ACSM3: variants seen among roughly 807,000 people sequenced by gnomAD.
The protein encoded by ACSM3 is acyl-CoA synthetase medium chain family member 3.
In ACSM3, 61 loss-of-function variants were observed where a neutral mutation model predicts 74.1. That is an observed-to-expected ratio of 0.82 (90% CI 0.67 to 1.02). ACSM3 has a LOEUF of 1.02. Ranked by LOEUF, ACSM3 falls within the 50% of genes least tolerant of loss-of-function variation. The pLI is 0.00. For synonymous variants in ACSM3, 213 were observed against 241.5 expected (o/e 0.88, Z 1.09); for missense variants, 660 against 697.0 (o/e 0.95, Z 0.60).
intron 3 of ACSM3, among the ~76,000 whole-genome samples, chr16:20,758,578 C>T (rs1376525358): frequency 3.3e-5 from 5 of 152,222 alleles, no homozygotes; most frequent in African/African-American, 1.2e-4. Flanking sequence ...TTTCAAAAAA[C>T]CAGCTCCTGG....
chr16:20,736,869 C>T (rs2079873964), intron 1 of ACSM3: 2 of 1,610,712 alleles, frequency 1.2e-6, no homozygotes, highest in Admixed American at 1.7e-5. Flanking sequence ...CCTCCAACAC[C>T]AAATGACTTC....
At chr16:20,685,034 C>A (rs2079520880) in intron 1 of ACSM3, among the ~76,000 whole-genome samples, 1 of 152,226 alleles carries the variant, frequency 6.6e-6, no homozygotes, top group African/African-American at 2.4e-5. Context: ...ATAATTCCCA[C>A]AGGGCAGGAA....
intron 1 of ACSM3, chr16:20,733,085 TC>T (rs2079840690): frequency 6.6e-6 from 1 of 152,638 alleles, no homozygotes; most frequent in Non-Finnish European, 1.5e-5. Context: ...ATGTTTAAGA[TC>T]CTTCCTGGTT....
chr16:20,777,307 T>C (rs2080267004), intron 3 of ACSM3, 66 bp from the exon 4 acceptor site: 1 of 1,410,456 alleles, frequency 7.1e-7, no homozygotes, highest in African/African-American at 1.4e-5. Context: ...AGATGGTATC[T>C]ACACTACTCT....
chr16:20,776,410 C>A (rs1336140637), intron 3 of ACSM3, among the ~76,000 whole-genome samples: 1 of 152,162 alleles, frequency 6.6e-6, no homozygotes, highest in African/African-American at 2.4e-5. Flanking sequence ...TCCAGGAATG[C>A]CAGACATGTG....
chr16:20,748,612 C>G (rs10852247), intron 1 of ACSM3, among the ~76,000 whole-genome samples: 94,115 of 152,112 alleles, frequency 0.62, 30,263 homozygotes, highest in Non-Finnish European at 0.72. Flanking sequence ...CTAACTGGAA[C>G]GTTTGGTAGA....
At chr16:20,737,837 T>C (rs1328799819) in intron 1 of ACSM3, 4 of 1,613,852 alleles carry the variant, frequency 2.5e-6, no homozygotes, top group South Asian at 2.2e-5. Context: ...TATTTTTTCA[T>C]ATCTTCTAAA....
chr16:20,733,835 C>T (rs1402395181), intron 1 of ACSM3: 2 of 152,072 alleles, frequency 1.3e-5, no homozygotes, highest in Non-Finnish European at 1.5e-5. Flanking sequence ...ATTCTTTCCT[C>T]TATGGAGCTA....
intron 2 of ACSM3, among the ~76,000 whole-genome samples, chr16:20,754,084 A>C (rs1202113618): frequency 6.6e-6 from 1 of 152,218 alleles, no homozygotes; most frequent in Admixed American, 6.5e-5. Flanking sequence ...GAAGGAATGC[A>C]GAAAGTATGG....
At chr16:20,708,143 A>G (rs1406187918) in intron 1 of ACSM3, among the ~76,000 whole-genome samples, 2 of 152,204 alleles carry the variant, frequency 1.3e-5, no homozygotes. Context: ...TCTACTAAAC[A>G]TACAAAAATT....
chr16:20,791,583 C>A (rs1002318767), intron 10 of ACSM3, among the ~76,000 whole-genome samples: 5 of 152,316 alleles, frequency 3.3e-5, no homozygotes, highest in African/African-American at 1.2e-4. Context: ...CTTCCTAACT[C>A]TAATGCTTCT....
chr16:20,714,354 T>C (rs1322252785), intron 1 of ACSM3, among the ~76,000 whole-genome samples: 1 of 152,084 alleles, frequency 6.6e-6, no homozygotes, highest in East Asian at 1.9e-4. Flanking sequence ...TGATAAATCT[T>C]AAATTGCCCC....
At position 20,769,960 on chromosome 16, in the gene ACSM3, A is replaced by G; in HGVS notation, c.-51-24A>G. The G allele has an allele frequency of 2.7e-6, 4 of 1,461,546 alleles. No homozygotes were observed. In the South Asian group the frequency reaches 4.7e-5, roughly 17 times the overall value. 90.5% of individuals were successfully genotyped at this position (1,461,546 alleles called of 1,614,324 possible). A position where few individuals can be genotyped will look rare whatever the true frequency, so the allele number is the denominator to read the frequency against. ...CTACCTTCAGGACAGAAACAAATAT[A>G]TGTCCTTTTTGCTTGTCTTTTAGAT... On this transcript the variant is annotated intron_variant, in intron 1 of 13. Transcript: ENST00000289416.
At chr16:20,742,766 G>A (rs2079938330) in intron 1 of ACSM3, among the ~76,000 whole-genome samples, 1 of 149,184 alleles carries the variant, frequency 6.7e-6, no homozygotes, top group Admixed American at 6.7e-5. Context: ...GTCTGGTGAT[G>A]AATCCAACAT....
At chr16:20,705,953 T>C (rs2079726134) in intron 1 of ACSM3, among the ~76,000 whole-genome samples, 1 of 152,186 alleles carries the variant, frequency 6.6e-6, no homozygotes, top group African/African-American at 2.4e-5. Flanking sequence ...ATGAACTTAA[T>C]GGACCTTATA....
At chr16:20,737,074 C>T (rs1400821669) in intron 1 of ACSM3, 2 of 1,614,138 alleles carry the variant, frequency 1.2e-6, no homozygotes, top group Non-Finnish European at 8.5e-7. Context: ...TCCGCAGATT[C>T]CAGTTTAGCT....
chr16:20,744,918 T>G (rs2079951511), intron 1 of ACSM3, among the ~76,000 whole-genome samples: 1 of 152,252 alleles, frequency 6.6e-6, no homozygotes, highest in African/African-American at 2.4e-5. Flanking sequence ...CTAAAGTTTT[T>G]TAACAGTTTA....
At chr16:20,700,638 T>C (rs1210231503) in intron 1 of ACSM3, among the ~76,000 whole-genome samples, 1 of 151,788 alleles carries the variant, frequency 6.6e-6, no homozygotes, top group Non-Finnish European at 1.5e-5. Context: ...AGACATGCCA[T>C]TAAGGATCTT....
In ACSM3 at chr16:20,739,929, A is replaced by G. The variant is rs1365441817; in HGVS notation, c.-189-9981A>G. ...AAAGCATCCTGACAGTTTGAGGCAGAGAGAAACGTGCTGACCAGATCAATC... is the reference window on the plus strand; with the variant it reads ...AAAGCATCCTGACAGTTTGAGGCAGGGAGAAACGTGCTGACCAGATCAATC... On this transcript the variant is annotated intron_variant, in intron 1 of 3. Coordinates refer to the ACSM3 transcript ENST00000561584. Among the ~76,000 whole-genome samples the G allele has an allele frequency of 3.9e-5, 6 of 152,306 alleles. No homozygotes were observed. The East Asian group carries it at 1.2e-3, about 29-fold the overall frequency.
Sources: allele counts gnomAD v4.1 joint callset (sites outside exome capture counted in the v4.1 genomes callset), GRCh38; gene constraint gnomAD v4.1.1; transcripts MANE v1.5; gene names NCBI Gene and HGNC (gene_info 2026-07-23, HGNC 2026-07-21).